Variants in USP49 observed in about 807,000 individuals in gnomAD.
The protein encoded by USP49 is ubiquitin carboxyl-terminal hydrolase 49.
Under a neutral mutation model 58.6 loss-of-function variants are expected in USP49, and 24 were observed. The observed-to-expected ratio is 0.41, with a 90% CI of 0.30 to 0.58. USP49 has a LOEUF of 0.58. Among genes scored for constraint, USP49 ranks in the 20% least tolerant of loss-of-function variants. USP49 has a pLI of 0.30. For synonymous variants in USP49, 408 were observed against 365.1 expected, an observed-to-expected ratio of 1.12 and a Z score of -1.34; for missense variants, 703 against 866.1, an observed-to-expected ratio of 0.81 and a Z score of 2.36.
At chr6:41,851,559 C>T (rs568078180) in intron 3 of USP49, among the ~76,000 whole-genome samples, 27 of 152,278 alleles carry the variant, frequency 1.8e-4, no homozygotes, top group African/African-American at 6.5e-4. Context: ...AAAGCCTTTT[C>T]TCTAAGACAA....
At position 41,806,923 on chromosome 6, in the gene USP49, G is replaced by C. The variant is rs758104951; in HGVS notation, c.61C>G (p.Pro21Ala). The C allele has an allele frequency of 8.8e-5, 142 of 1,613,072 alleles. No individual in the cohort carries two copies. The highest frequency in any genetic ancestry group is 1.2e-4 in the Non-Finnish European group (139 of 1,179,742). ...CACTCTAAGCAGCACCACTTCTGAG[G>C]GTTCAGGATGGAGTGGTCCTGGGCG... Reference protein sequence around the residue: ...RLAQDHSILNPQKWCCLECAT... With the variant: ...RLAQDHSILNAQKWCCLECAT... Residue 21 changes from proline (P) to alanine (A), a missense_variant, in exon 4 of 8, where the codon CCT (proline) becomes GCT (alanine). Transcript: ENST00000682992. The surrounding 1 kb of genome is among the most constrained non-coding windows in gnomAD (Gnocchi z 5.9).
chr6:41,839,602 T>G (rs1331839836), intron 3 of USP49, among the ~76,000 whole-genome samples: 1 of 151,626 alleles, frequency 6.6e-6, no homozygotes, highest in African/African-American at 2.4e-5. Flanking sequence ...CAAAAATGCC[T>G]ATCAACCAAC....
intron 3 of USP49, among the ~76,000 whole-genome samples, chr6:41,824,779 A>G (rs988083784): frequency 6.6e-6 from 1 of 152,186 alleles, no homozygotes; most frequent in Non-Finnish European, 1.5e-5. Flanking sequence ...AAATTAAAGA[A>G]AGCAGAATCA....
intron 2 of USP49, among the ~76,000 whole-genome samples, chr6:41,882,915 C>CAAAACAA (rs953300607): frequency 4.3e-4 from 65 of 151,360 alleles, no homozygotes; most frequent in Admixed American, 1.2e-3. Context: ...GATTCTGTCT[C>CAAAACAA]AAAACAAAAA....
In USP49 at chr6:41,794,418, G is replaced by A. The variant is rs1772851904; in HGVS notation, c.*2115C>T. 1 of 152,050 alleles carries A rather than the reference G, an allele frequency of 6.6e-6. No homozygotes were observed. The allele number at this position is 152,050 out of a possible 1,614,324, so 9.4% of individuals were successfully genotyped here. ...ATTATCCCCACTGGACAGCCTGAGG[G>A]GTAAAGTAGATGCTCTATTAGTTCT... On this transcript the variant is annotated 3_prime_UTR_variant, in exon 8 of 8. Coordinates refer to ENST00000682992, the MANE Select transcript of USP49 (RefSeq NM_001286554.2).
chr6:41,802,841 G>A (rs1452595655), intron 5 of USP49, among the ~76,000 whole-genome samples: 1 of 152,136 alleles, frequency 6.6e-6, no homozygotes, highest in East Asian at 1.9e-4. Context: ...GTAACCATAT[G>A]TAAGAGTTCC....
intron 3 of USP49, among the ~76,000 whole-genome samples, chr6:41,836,799 G>A (rs1328128624): frequency 1.3e-5 from 2 of 151,776 alleles, no homozygotes; most frequent in Non-Finnish European, 2.9e-5. Context: ...TACACCAACA[G>A]TATCCAAACT....
At chr6:41,848,510 G>A (rs562407880) in intron 3 of USP49, among the ~76,000 whole-genome samples, 1 of 151,996 alleles carries the variant, frequency 6.6e-6, no homozygotes, top group East Asian at 1.9e-4. Flanking sequence ...GGGACTATGG[G>A]TGCATGCCAC....
At chr6:41,888,048 CTTTTTTTTT>C (rs35468035) in intron 2 of USP49, among the ~76,000 whole-genome samples, 3 of 85,478 alleles carry the variant, frequency 3.5e-5, no homozygotes, top group Admixed American at 1.5e-4. Flanking sequence ...TCACAATCAG[CTTTTTTTTT>C]TTTTTTTTTT....
chr6:41,822,654 T>C (rs1773471673), intron 3 of USP49, among the ~76,000 whole-genome samples: 1 of 152,150 alleles, frequency 6.6e-6, no homozygotes, highest in South Asian at 2.1e-4. Context: ...AAGACCATCC[T>C]GTCCAACATG....
chr6:41,867,709 G>A (rs1049139088), intron 3 of USP49, among the ~76,000 whole-genome samples: 3 of 151,678 alleles, frequency 2.0e-5, no homozygotes, highest in Non-Finnish European at 2.9e-5. Flanking sequence ...CCGAGATCAC[G>A]CCACTGCACT....
At chr6:41,812,562 G>A (rs1420454235) in intron 3 of USP49, among the ~76,000 whole-genome samples, 6 of 151,722 alleles carry the variant, frequency 4.0e-5, no homozygotes, top group Non-Finnish European at 8.8e-5. Context: ...GCGTGGTGGC[G>A]GGCGCCTGTA....
rs1446342409 is a variant in USP49 at position 41,806,330 on chromosome 6, G to A, written c.654C>T (p.Asp218=). Residue 218 remains aspartate, a synonymous_variant, in exon 4 of 8, where the codon GAC becomes GAT. Transcript: ENST00000682992. This position sits in a 1 kb window ranked among gnomAD's most constrained non-coding sequence, Gnocchi z 5.9. ...SARLLLHTPR[D]AGPAASRPAA... ...CGGGGCGCGAGGCAGCCGGGCCCGC[G>A]TCGCGGGGCGTGTGCAGGAGCAGCC... 1.3e-6 allele frequency: 2 copies of A among 1,530,642 alleles called. No individual in the cohort carries two copies. Among genetic ancestry groups the A allele is most frequent in the Non-Finnish European group, 1.7e-6 (2 of 1,149,466 alleles). 94.8% of individuals were successfully genotyped at this position (1,530,642 alleles called of 1,614,324 possible).
chr6:41,842,181 T>C (rs1773839162), intron 3 of USP49, among the ~76,000 whole-genome samples: 1 of 151,956 alleles, frequency 6.6e-6, no homozygotes, highest in South Asian at 2.1e-4. Context: ...TACTGACTGG[T>C]TCAAAAATAA....
At chr6:41,834,676 G>A (rs1489381924) in intron 3 of USP49, among the ~76,000 whole-genome samples, 5 of 152,196 alleles carry the variant, frequency 3.3e-5, no homozygotes, top group African/African-American at 1.2e-4. Flanking sequence ...TCCTGCTCCA[G>A]CCATGTAAGA....
At chr6:41,799,966 T>C (rs1481700253) in intron 5 of USP49, 28 bp from the exon 6 acceptor site, 1 of 1,605,060 alleles carries the variant, frequency 6.2e-7, no homozygotes, top group Non-Finnish European at 8.5e-7. Context: ...GTATAAGACA[T>C]AGGTTGTGAG....
chr6:41,887,064 C>A (rs770392902), intron 2 of USP49, among the ~76,000 whole-genome samples: 1 of 152,172 alleles, frequency 6.6e-6, no homozygotes, highest in African/African-American at 2.4e-5. Flanking sequence ...TATGACATAT[C>A]CTACACATCT....
At chr6:41,837,249 T>C (rs900861568) in intron 3 of USP49, among the ~76,000 whole-genome samples, 1 of 152,098 alleles carries the variant, frequency 6.6e-6, no homozygotes, top group South Asian at 2.1e-4. Flanking sequence ...ATGGTACTGA[T>C]ATAAAAACAG....
intron 3 of USP49, among the ~76,000 whole-genome samples, chr6:41,831,535 G>A (rs1366350185): frequency 1.3e-5 from 2 of 148,274 alleles, no homozygotes; most frequent in African/African-American, 2.5e-5. Context: ...AGCCGAGACC[G>A]TAACATTGCA....
Sources: gnomAD v4.1 joint callset for allele counts (sites outside exome capture counted in the v4.1 genomes callset) on GRCh38, gnomAD v4.1.1 for gene constraint, Gnocchi (gnomAD v3.1) non-coding constraint, MANE v1.5 for transcripts, NCBI Gene and HGNC (gene_info 2026-07-23, HGNC 2026-07-21) for gene names.